Variants in CDH18 observed in about 807,000 individuals in gnomAD.
CDH18 encodes cadherin 18.
CDH18 carries 31 observed loss-of-function variants against 67.9 expected under a neutral mutation model. The observed-to-expected ratio is 0.46, with a 90% CI of 0.34 to 0.62. The LOEUF (loss-of-function observed/expected upper bound fraction) is 0.62, where lower values mean the gene tolerates loss of function less well. Among genes scored for constraint, CDH18 ranks in the 20% least tolerant of loss-of-function variants. CDH18 has a pLI of 0.01. For missense variants in CDH18, 890 were observed against 975.5 expected, an observed-to-expected ratio of 0.91 and a Z score of 1.17; for synonymous variants, 362 against 347.2, an observed-to-expected ratio of 1.04 and a Z score of -0.48.
At chr5:20,570,592 T>C (rs1218752077) in intron 1 of CDH18, among the ~76,000 whole-genome samples, 3 of 152,146 alleles carry the variant, frequency 2.0e-5, no homozygotes, top group Non-Finnish European at 4.4e-5. Flanking sequence ...AAAATCATGT[T>C]CTAGTCTGAT....
intron 2 of CDH18, among the ~76,000 whole-genome samples, chr5:19,922,684 T>G (rs1792626149): frequency 1.3e-5 from 2 of 152,224 alleles, no homozygotes; most frequent in African/African-American, 4.8e-5. Flanking sequence ...AATTGTTCTT[T>G]CATCCCTGGA....
At chr5:19,677,387 T>G (rs1365099772) in intron 5 of CDH18, among the ~76,000 whole-genome samples, 2 of 152,014 alleles carry the variant, frequency 1.3e-5, no homozygotes, top group African/African-American at 4.8e-5. Flanking sequence ...AGAACTGCCT[T>G]AAAGAAGATC....
At chr5:20,110,100 T>C (rs1365312484) in intron 2 of CDH18, among the ~76,000 whole-genome samples, 1 of 152,204 alleles carries the variant, frequency 6.6e-6, no homozygotes, top group East Asian at 1.9e-4. Context: ...TACATGCCTT[T>C]GAAAAATCAT....
intron 2 of CDH18, among the ~76,000 whole-genome samples, chr5:19,972,146 T>C (rs1798087848): frequency 6.8e-6 from 1 of 147,610 alleles, no homozygotes; most frequent in Non-Finnish European, 1.5e-5. Flanking sequence ...GCTTTAAATA[T>C]GATGAACAAA....
chr5:19,712,656 T>C (rs942878395), intron 5 of CDH18, among the ~76,000 whole-genome samples: 2 of 122,646 alleles, frequency 1.6e-5, no homozygotes, highest in African/African-American at 7.7e-5. Context: ...TATATATATA[T>C]ACACACACAC....
At chr5:19,498,023 T>C (rs987611414) in intron 11 of CDH18, among the ~76,000 whole-genome samples, 6 of 152,176 alleles carry the variant, frequency 3.9e-5, no homozygotes, top group African/African-American at 1.4e-4. Context: ...TGTTTCCTTA[T>C]ACCTTAAGGT....
intron 11 of CDH18, among the ~76,000 whole-genome samples, chr5:19,501,386 T>C (rs1348096769): frequency 1.3e-5 from 2 of 150,674 alleles, no homozygotes; most frequent in Non-Finnish European, 3.0e-5. Context: ...GTAGATCACC[T>C]GAGGTCAGGA....
At chr5:20,518,983 A>G (rs1381092954) in intron 1 of CDH18, among the ~76,000 whole-genome samples, 1 of 152,202 alleles carries the variant, frequency 6.6e-6, no homozygotes, top group Non-Finnish European at 1.5e-5. Context: ...TAGAAGAAAC[A>G]ACATCTGATG....
At chr5:20,279,725 A>AAAAAAAAAAAAAAAAAAAAAAAAAAAAAC (rs59764100) in intron 1 of CDH18, among the ~76,000 whole-genome samples, 1 of 128,788 alleles carries the variant, frequency 7.8e-6, no homozygotes, top group African/African-American at 3.4e-5. Flanking sequence ...AAAAAAAAAA[A>AAAAAAAAAAAAAAAAAAAAAAAAAAAAAC]AAAGCAAAAA....
At chr5:19,593,031 T>C (rs191359911) in intron 6 of CDH18, among the ~76,000 whole-genome samples, 9 of 152,226 alleles carry the variant, frequency 5.9e-5, no homozygotes, top group Admixed American at 5.2e-4. Flanking sequence ...TACTATTCCA[T>C]TGTTTGATAA....
At chr5:20,009,180 C>G (rs557369365) in intron 2 of CDH18, among the ~76,000 whole-genome samples, 70 of 152,150 alleles carry the variant, frequency 4.6e-4, no homozygotes, top group African/African-American at 1.5e-3. Flanking sequence ...ATACCTCCCC[C>G]CAAGGAAAGC....
chr5:19,944,250 T>C (rs1293799400), intron 2 of CDH18, among the ~76,000 whole-genome samples: 1 of 152,128 alleles, frequency 6.6e-6, no homozygotes, highest in African/African-American at 2.4e-5. Flanking sequence ...AACTGTCTTA[T>C]ATAATTTAAT....
Position 19,722,541 on chromosome 5 carries a change from T to C in CDH18, c.524-1075A>G, listed in dbSNP as rs17839320. Among the ~76,000 whole-genome samples the C allele has an allele frequency of 7.4e-3, 1,122 of 150,650 alleles. 15 individuals are homozygous for C. Among genetic ancestry groups the C allele is most frequent in the African/African-American group, 0.026 (1,068 of 40,948 alleles). On this transcript the variant is annotated intron_variant, in intron 4 of 12. Coordinates refer to ENST00000382275, the MANE Select transcript of CDH18 (RefSeq NM_004934.5). The stretch of plus-strand genomic sequence containing the variant: ...TTTGTGCTTACTTTTTAAAACACGA[T>C]TTGCATAATTAGATACACCTATATA...
At chr5:20,146,497 T>C (rs1412681275) in intron 2 of CDH18, among the ~76,000 whole-genome samples, 1 of 152,102 alleles carries the variant, frequency 6.6e-6, no homozygotes, top group Non-Finnish European at 1.5e-5. Flanking sequence ...TTGTTTATCT[T>C]TATGTATATC....
intron 1 of CDH18, among the ~76,000 whole-genome samples, chr5:20,388,935 GT>G (rs928050198): frequency 6.6e-6 from 1 of 152,112 alleles, no homozygotes; most frequent in Non-Finnish European, 1.5e-5. Context: ...TATAATTTCT[GT>G]TTTTTCACAT....
At chr5:20,209,565 G>T (rs902328784) in intron 2 of CDH18, among the ~76,000 whole-genome samples, 2 of 151,280 alleles carry the variant, frequency 1.3e-5, no homozygotes, top group Non-Finnish European at 2.9e-5. Flanking sequence ...ATAATCAGTT[G>T]TTAGGTTAAC....
At chr5:20,008,347 C>T (rs961953602) in intron 2 of CDH18, among the ~76,000 whole-genome samples, 2 of 152,134 alleles carry the variant, frequency 1.3e-5, no homozygotes, top group East Asian at 1.9e-4. Context: ...CTTTATTTTC[C>T]GTTTTAATTA....
chr5:19,994,249 A>G (rs1172103783), intron 2 of CDH18, among the ~76,000 whole-genome samples: 4 of 150,840 alleles, frequency 2.7e-5, no homozygotes, highest in South Asian at 4.2e-4. Context: ...ACACACATAT[A>G]CACATATATA....
chr5:19,883,281 C>A (rs1787858518), intron 2 of CDH18, among the ~76,000 whole-genome samples: 1 of 152,228 alleles, frequency 6.6e-6, no homozygotes. Flanking sequence ...ATAAACAGTT[C>A]TTTGAAACGA....
Sources: gnomAD v4.1 joint callset for allele counts (sites outside exome capture counted in the v4.1 genomes callset) on GRCh38, gnomAD v4.1.1 for gene constraint, MANE v1.5 for transcripts, NCBI Gene and HGNC (gene_info 2026-07-23, HGNC 2026-07-21) for gene names.